Variants in ADAMTS6 observed in about 807,000 individuals in gnomAD.
ADAMTS6 encodes A disintegrin and metalloproteinase with thrombospondin motifs 6.
ADAMTS6 carries 23 observed loss-of-function variants against 144.3 expected under a neutral mutation model. That is an observed-to-expected ratio of 0.16 (90% CI 0.11 to 0.23). The LOEUF is 0.23. Among genes scored for constraint, ADAMTS6 ranks in the 10% least tolerant of loss-of-function variants. The pLI, the probability that ADAMTS6 is intolerant of heterozygous loss-of-function variation, is 1.00. For synonymous variants in ADAMTS6, 444 were observed against 457.5 expected (o/e 0.97, Z 0.38); for missense variants, 999 against 1,379.6 (o/e 0.72, Z 4.37).
intron 7 of ADAMTS6, among the ~76,000 whole-genome samples, chr5:65,412,470 CAT>C (rs759205617): frequency 2.0e-5 from 3 of 151,928 alleles, no homozygotes; most frequent in African/African-American, 7.2e-5. Flanking sequence ...ACCAAATACA[CAT>C]GATTTGATAC....
At chr5:65,296,488 G>A (rs1218009465) in intron 10 of ADAMTS6, among the ~76,000 whole-genome samples, 1 of 152,132 alleles carries the variant, frequency 6.6e-6, no homozygotes, top group African/African-American at 2.4e-5. Context: ...GTTAGAGTAA[G>A]GTTACCCAAA....
intron 7 of ADAMTS6, among the ~76,000 whole-genome samples, chr5:65,363,385 C>T (rs1750008201): frequency 6.6e-6 from 1 of 152,220 alleles, no homozygotes; most frequent in African/African-American, 2.4e-5. Context: ...TTTTGTGCTA[C>T]AAAAATTACA....
At chr5:65,317,426 T>G (rs1353959234) in intron 9 of ADAMTS6, among the ~76,000 whole-genome samples, 5 of 152,172 alleles carry the variant, frequency 3.3e-5, no homozygotes, top group African/African-American at 1.2e-4. Context: ...AACACTTAAT[T>G]AAACCTAAGA....
chr5:65,352,252 T>C (rs1457744157), intron 7 of ADAMTS6, among the ~76,000 whole-genome samples: 1 of 147,648 alleles, frequency 6.8e-6, no homozygotes, highest in Non-Finnish European at 1.5e-5. Flanking sequence ...AATGATTAAA[T>C]ATATCAGGAA....
chr5:65,169,609 C>G (rs1379734054), intron 24 of ADAMTS6, among the ~76,000 whole-genome samples: 3 of 148,676 alleles, frequency 2.0e-5, no homozygotes, highest in Non-Finnish European at 4.4e-5. Context: ...CGGCATTATT[C>G]AGAATAGCAA....
intron 7 of ADAMTS6, among the ~76,000 whole-genome samples, chr5:65,388,035 A>AC (rs11461303): frequency 1 from 152,262 of 152,264 alleles, 76,130 homozygotes; most frequent in Non-Finnish European, 1. Context: ...ACGTGGCAAA[A>AC]CCTGTCTCTA....
At chr5:65,369,579 C>T (rs1046275747) in intron 7 of ADAMTS6, among the ~76,000 whole-genome samples, 2 of 150,456 alleles carry the variant, frequency 1.3e-5, no homozygotes, top group African/African-American at 4.9e-5. Flanking sequence ...CAAATGTGAA[C>T]TATAATTACA....
Position 65,150,594 on chromosome 5 carries a change from T to A in ADAMTS6, c.*1242A>T, listed in dbSNP as rs1185822984. 6.6e-6 allele frequency: 1 copy of A among 152,660 alleles called. No individual in the cohort carries two copies. Among genetic ancestry groups the A allele is most frequent in the Non-Finnish European group, 1.5e-5 (1 of 68,038 alleles). 9.5% of individuals were successfully genotyped at this position (152,660 alleles called of 1,614,324 possible). A position where few individuals can be genotyped will look rare whatever the true frequency, so the allele number is the denominator to read the frequency against. ...TATGCTTTATGATGTCTAGTCTTCATGAAATTTTCTTCTTTGGTTATTATC... is the reference window on the plus strand; with the variant it reads ...TATGCTTTATGATGTCTAGTCTTCAAGAAATTTTCTTCTTTGGTTATTATC... On this transcript the variant is annotated 3_prime_UTR_variant, in exon 25 of 25. Coordinates refer to ENST00000381055, the MANE Select transcript of ADAMTS6 (RefSeq NM_197941.4).
intron 7 of ADAMTS6, among the ~76,000 whole-genome samples, chr5:65,421,621 G>GTATTGGTA (rs2150200003): frequency 6.6e-6 from 1 of 152,248 alleles, no homozygotes; most frequent in East Asian, 1.9e-4. Context: ...AAACAGCATG[G>GTATTGGTA]TATTGGTATA....
At chr5:65,219,208 G>C (rs1375713180) in intron 18 of ADAMTS6, among the ~76,000 whole-genome samples, 1 of 152,100 alleles carries the variant, frequency 6.6e-6, no homozygotes, top group Non-Finnish European at 1.5e-5. Context: ...TCCTGTGTTA[G>C]TAGATAAAGT....
intron 23 of ADAMTS6, among the ~76,000 whole-genome samples, chr5:65,171,016 T>G (rs1295068787): frequency 1.3e-5 from 2 of 151,266 alleles, no homozygotes; most frequent in African/African-American, 2.4e-5. Context: ...AATATTAATT[T>G]TTTTTTTTTT....
rs1367160811 is a variant in ADAMTS6, at chr5:65,235,138, G to C, written c.1933+6966C>G. On this transcript the variant is annotated intron_variant, in intron 15 of 24. Coordinates refer to ENST00000381055, the MANE Select transcript of ADAMTS6 (RefSeq NM_197941.4). ...AGTTATAAGAGGGATCAGTTCTAGAGATCTAATATAGTATAGTTAAGAATA... is the reference window on the plus strand; with the variant it reads ...AGTTATAAGAGGGATCAGTTCTAGACATCTAATATAGTATAGTTAAGAATA... 4.6e-5 allele frequency among the ~76,000 whole-genome samples: 7 copies of C among 152,106 alleles called. No individual in the cohort carries two copies. The East Asian group carries it at 1.3e-3, about 29-fold the overall frequency.
chr5:65,257,164 C>T lies in ADAMTS6; in HGVS notation c.1830+3436G>A, dbSNP rs143727614. 2.8e-3 allele frequency among the ~76,000 whole-genome samples: 418 copies of T among 151,852 alleles called. 3 individuals carry two copies. Among genetic ancestry groups the T allele is most frequent in the African/African-American group, 9.6e-3 (398 of 41,422 alleles). On this transcript the variant is annotated intron_variant, in intron 14 of 24. Coordinates refer to ENST00000381055, the MANE Select transcript of ADAMTS6 (RefSeq NM_197941.4). ...ATTAAGGAGTTTGATAGCCTGTTCA[C>T]AGTATTACCCTATATTTTAAGTTCC...
intron 9 of ADAMTS6, 149 bp downstream of exon 9, chr5:65,329,229 A>C: frequency 1.5e-6 from 1 of 664,420 alleles, no homozygotes; most frequent in Non-Finnish European, 2.6e-6. Context: ...CAGGTGATTT[A>C]TCCCAATACC....
At chr5:65,393,120 A>G (rs1753060167) in intron 7 of ADAMTS6, among the ~76,000 whole-genome samples, 1 of 152,198 alleles carries the variant, frequency 6.6e-6, no homozygotes, top group Non-Finnish European at 1.5e-5. Flanking sequence ...TTATTTACCA[A>G]AACTATCCTT....
intron 7 of ADAMTS6, among the ~76,000 whole-genome samples, chr5:65,367,454 A>G (rs1302546310): frequency 6.6e-6 from 1 of 152,226 alleles, no homozygotes; most frequent in Non-Finnish European, 1.5e-5. Flanking sequence ...AGATACAATT[A>G]AGTTTGGAGA....
chr5:65,423,473 A>G (rs1388064962), intron 7 of ADAMTS6, among the ~76,000 whole-genome samples: 1 of 152,236 alleles, frequency 6.6e-6, no homozygotes, highest in Non-Finnish European at 1.5e-5. Context: ...CAACTAATGT[A>G]GTAGATGGTA....
intron 7 of ADAMTS6, among the ~76,000 whole-genome samples, chr5:65,428,688 C>A (rs1019554179): frequency 6.6e-6 from 1 of 152,172 alleles, no homozygotes; most frequent in Admixed American, 6.5e-5. Context: ...CCCTGATACA[C>A]AACAAAGTAC....
intron 22 of ADAMTS6, among the ~76,000 whole-genome samples, chr5:65,173,900 G>A (rs1753777936): frequency 6.6e-6 from 1 of 151,984 alleles, no homozygotes; most frequent in Non-Finnish European, 1.5e-5. Flanking sequence ...GTGTGTGTCT[G>A]TAGCCCCAGC....
Sources: allele counts gnomAD v4.1 joint callset (sites outside exome capture counted in the v4.1 genomes callset), GRCh38; gene constraint gnomAD v4.1.1; transcripts MANE v1.5; gene names NCBI Gene and HGNC (gene_info 2026-07-23, HGNC 2026-07-21).